The following CDH7 variants were observed in gnomAD, a reference collection of about 807,000 sequenced individuals.
The protein encoded by CDH7 is cadherin 7, also known as cadherin-7.
Under a neutral mutation model 71.8 loss-of-function variants are expected in CDH7, and 25 were observed. That is an observed-to-expected ratio of 0.35 (90% CI 0.25 to 0.49). The LOEUF is 0.49. CDH7 is among the 20% of genes least tolerant of loss of function. The probability of loss-of-function intolerance (pLI) is 0.99; values close to 1 mark genes in which losing one functional copy is unlikely to be tolerated. For missense variants in CDH7, 862 were observed against 974.6 expected, an observed-to-expected ratio of 0.88 and a Z score of 1.54; for synonymous variants, 381 against 363.8, an observed-to-expected ratio of 1.05 and a Z score of -0.54.
At chr18:65,850,008 A>G (rs1277067543) in intron 7 of CDH7, among the ~76,000 whole-genome samples, 1 of 148,506 alleles carries the variant, frequency 6.7e-6, no homozygotes, top group Non-Finnish European at 1.5e-5. Flanking sequence ...TACCAAAAGT[A>G]CAAAAATTAG....
chr18:65,872,153 T>A (rs1395302763), intron 11 of CDH7, among the ~76,000 whole-genome samples: 1 of 152,138 alleles, frequency 6.6e-6, no homozygotes, highest in Non-Finnish European at 1.5e-5. Flanking sequence ...AAGTTCAAGA[T>A]AGCGGACCCA....
intron 7 of CDH7, among the ~76,000 whole-genome samples, chr18:65,846,050 G>A (rs1315169288): frequency 6.6e-6 from 1 of 151,982 alleles, no homozygotes; most frequent in African/African-American, 2.4e-5. Context: ...TTGTCATTCT[G>A]TTGAAGCCTT....
intron 7 of CDH7, among the ~76,000 whole-genome samples, chr18:65,850,385 T>C (rs995712427): frequency 2.0e-4 from 31 of 151,634 alleles, no homozygotes; most frequent in African/African-American, 5.8e-4. Context: ...AAGAAGTTTA[T>C]TGAAATAATT....
intron 10 of CDH7, among the ~76,000 whole-genome samples, chr18:65,860,432 G>A (rs1198256546): frequency 6.6e-6 from 1 of 151,920 alleles, no homozygotes; most frequent in Non-Finnish European, 1.5e-5. Context: ...TATCATTATA[G>A]TAAAAAAAAC....
chr18:65,764,728 G>A (rs1455281006), intron 2 of CDH7, among the ~76,000 whole-genome samples: 2 of 151,980 alleles, frequency 1.3e-5, no homozygotes, highest in African/African-American at 2.4e-5. Context: ...TCTAAAAGCA[G>A]CAAAACTGTT....
At chr18:65,856,037 G>A (rs1913343419) in intron 7 of CDH7, among the ~76,000 whole-genome samples, 5 of 151,892 alleles carry the variant, frequency 3.3e-5, no homozygotes, top group Admixed American at 3.3e-4. Flanking sequence ...CCCGCCGTAA[G>A]GACACTCAGG....
At chr18:65,760,695 C>A (rs1158292102) in intron 1 of CDH7, among the ~76,000 whole-genome samples, 1 of 152,146 alleles carries the variant, frequency 6.6e-6, no homozygotes, top group African/African-American at 2.4e-5. Flanking sequence ...CCATCCCTCC[C>A]CATCCCCAGG....
intron 11 of CDH7, among the ~76,000 whole-genome samples, chr18:65,870,999 G>GAAT (rs1913910147): frequency 6.6e-6 from 1 of 152,068 alleles, no homozygotes; most frequent in African/African-American, 2.4e-5. Context: ...ATCCCTTCAA[G>GAAT]AATAGGTCCA....
chr18:65,783,025 C>T (rs1209772249), intron 2 of CDH7, among the ~76,000 whole-genome samples: 3 of 152,156 alleles, frequency 2.0e-5, no homozygotes, highest in African/African-American at 7.2e-5. Flanking sequence ...AGGGGTGTTG[C>T]TTTCTTCAAC....
intron 1 of CDH7, among the ~76,000 whole-genome samples, chr18:65,755,996 C>CA (rs1178806025): frequency 5.3e-5 from 8 of 152,036 alleles, no homozygotes; most frequent in Admixed American, 2.0e-4. Context: ...AAAACAAAAA[C>CA]AAAAAACAAA....
chr18:65,795,810 C>T lies in CDH7; in HGVS notation c.211-13894C>T, dbSNP rs181459202. ...TTGTAATCTCATGATCTCCTCATAT[C>T]GTGGGAGGGATCCAGTGGGAGGTAA... On this transcript the variant is annotated intron_variant, in intron 2 of 11. Transcript: ENST00000397968. 4.5e-3 allele frequency among the ~76,000 whole-genome samples: 679 copies of T among 152,202 alleles called. 3 individuals are homozygous for T. The highest frequency in any genetic ancestry group is 7.3e-3 in the Non-Finnish European group (496 of 68,004).
At chr18:65,782,409 C>T (rs1250995719) in intron 2 of CDH7, among the ~76,000 whole-genome samples, 3 of 151,982 alleles carry the variant, frequency 2.0e-5, no homozygotes, top group Admixed American at 1.3e-4. Context: ...CCACCTGCCT[C>T]GGCCTCCCAA....
intron 2 of CDH7, among the ~76,000 whole-genome samples, chr18:65,793,910 A>G (rs911169668): frequency 2.0e-5 from 3 of 152,158 alleles, no homozygotes; most frequent in South Asian, 2.1e-4. Flanking sequence ...TGAGTGCAGA[A>G]TATGAATAAT....
chr18:65,828,726 A>C (rs1406799774), intron 6 of CDH7, among the ~76,000 whole-genome samples: 1 of 152,102 alleles, frequency 6.6e-6, no homozygotes, highest in African/African-American at 2.4e-5. Flanking sequence ...TCTCATTTTT[A>C]GATGAAAATT....
chr18:65,796,485 CA>C (rs1473741759), intron 2 of CDH7, among the ~76,000 whole-genome samples: 2 of 152,112 alleles, frequency 1.3e-5, no homozygotes, highest in Non-Finnish European at 2.9e-5. Context: ...CTGGGATGTA[CA>C]ATATACATTA....
intron 3 of CDH7, among the ~76,000 whole-genome samples, chr18:65,810,224 A>G (rs559604812): frequency 5.3e-5 from 8 of 152,326 alleles, no homozygotes; most frequent in Admixed American, 3.3e-4. Flanking sequence ...GTTTTTATAC[A>G]GCTATTTCAG....
chr18:65,766,007 A>T (rs966813211), intron 2 of CDH7, among the ~76,000 whole-genome samples: 24 of 152,238 alleles, frequency 1.6e-4, no homozygotes, highest in African/African-American at 5.5e-4. Flanking sequence ...TAACTTAGTT[A>T]TGGATCATCT....
At chr18:65,770,974 C>T (rs1044893095) in intron 2 of CDH7, among the ~76,000 whole-genome samples, 3 of 152,106 alleles carry the variant, frequency 2.0e-5, no homozygotes, top group Admixed American at 2.0e-4. Context: ...CACAAAGTGC[C>T]AGCAAAGTCA....
At chr18:65,785,333 A>C (rs2143844234) in intron 2 of CDH7, among the ~76,000 whole-genome samples, 1 of 152,272 alleles carries the variant, frequency 6.6e-6, no homozygotes, top group African/African-American at 2.4e-5. Context: ...TCATTTTATT[A>C]GAATATGATG....
Sources: gnomAD v4.1 joint callset for allele counts (sites outside exome capture counted in the v4.1 genomes callset) on GRCh38, gnomAD v4.1.1 for gene constraint, MANE v1.5 for transcripts, NCBI Gene and HGNC (gene_info 2026-07-23, HGNC 2026-07-21) for gene names.